DZIP1L: variants seen among roughly 807,000 people sequenced by gnomAD.
DZIP1L encodes DAZ interacting zinc finger protein 1 like, also known as cilium assembly protein DZIP1L.
Under a neutral mutation model 88.7 loss-of-function variants are expected in DZIP1L, and 90 were observed. That is an observed-to-expected ratio of 1.02 (90% CI 0.86 to 1.21). The LOEUF (loss-of-function observed/expected upper bound fraction) is 1.21, where lower values mean the gene tolerates loss of function less well. Ranked by LOEUF, DZIP1L falls within the 50% of genes most tolerant of loss-of-function variation. DZIP1L has a pLI of 0.00. For synonymous variants in DZIP1L, 363 were observed against 372.1 expected, an observed-to-expected ratio of 0.98 and a Z score of 0.28; for missense variants, 932 against 955.8, an observed-to-expected ratio of 0.98 and a Z score of 0.33.
At chr3:138,095,468 C>T (rs1293226054) in intron 3 of DZIP1L, among the ~76,000 whole-genome samples, 1 of 151,924 alleles carries the variant, frequency 6.6e-6, no homozygotes, top group Non-Finnish European at 1.5e-5. Context: ...TCACTTTTTT[C>T]AATAATGTAA....
intron 2 of DZIP1L, chr3:138,101,803 A>G: frequency 8.5e-7 from 1 of 1,175,516 alleles, no homozygotes; most frequent in Non-Finnish European, 1.3e-6. Flanking sequence ...GACATTCATC[A>G]GCTCCTGATA....
At chr3:138,069,333 G>A (rs773466216) in intron 12 of DZIP1L, among the ~76,000 whole-genome samples, 15 of 152,178 alleles carry the variant, frequency 9.9e-5, no homozygotes, top group Non-Finnish European at 2.1e-4. Flanking sequence ...CATACAAAAT[G>A]TGTGTTAATA....
rs200273535 is a variant in DZIP1L at position 138,103,538 on chromosome 3, C to T, written c.434G>A (p.Arg145Gln). ...CAGGGTGCTGATCATCTTGCGACGC[C>T]GGCGGCTCTCCTCCCGCACACCCTT... ...ELKGVREESRRRRKMISTLQQ... is the reference protein window; with the variant it reads ...ELKGVREESRQRRKMISTLQQ... Residue 145 changes from arginine (R) to glutamine (Q), a missense_variant, in exon 2 of 16, where the codon CGG becomes CAG. Arg to Gln is a conservative substitution (Grantham distance 43, BLOSUM62 1). Coordinates refer to ENST00000327532, the MANE Select transcript of DZIP1L (RefSeq NM_173543.3). The T allele has an allele frequency of 5.2e-5, 84 of 1,610,762 alleles. 1 individual carries two copies. The East Asian group carries it at 1.6e-3, about 30-fold the overall frequency.
intron 12 of DZIP1L, among the ~76,000 whole-genome samples, chr3:138,070,474 AT>A (rs112498829): frequency 6.6e-6 from 1 of 152,110 alleles, no homozygotes; most frequent in African/African-American, 2.4e-5. Flanking sequence ...TCATCAATAC[AT>A]TTTTTTACCA....
At chr3:138,087,847 G>T (rs1343107595) in intron 6 of DZIP1L, among the ~76,000 whole-genome samples, 8 of 152,118 alleles carry the variant, frequency 5.3e-5, no homozygotes, top group African/African-American at 1.9e-4. Context: ...TTCATCCAGG[G>T]GTGGCCAGAG....
At chr3:138,087,197 T>C (rs892658945) in intron 6 of DZIP1L, among the ~76,000 whole-genome samples, 174 bp from the exon 7 acceptor site, 15 of 151,916 alleles carry the variant, frequency 9.9e-5, no homozygotes, top group African/African-American at 3.6e-4. Context: ...GAGAGGGAGA[T>C]GGATTATTGA....
rs142662020 is a variant in DZIP1L, at chr3:138,067,696, G to C, written c.1837C>G (p.Pro613Ala). ...GAGTCCTCTTCAGAACTGAACGGGG[G>C]CGTGCTGCCACGAGGAGGAGAAGAA... ...PPSSGPGMSTPPFSSEEDSEG... is the reference protein window; with the variant it reads ...PPSSGPGMSTAPFSSEEDSEG... Residue 613 changes from proline (P) to alanine (A), a missense_variant, in exon 14 of 16, where the codon CCC becomes GCC. Transcript: ENST00000327532. The C allele has an allele frequency of 4.5e-6, 7 of 1,553,962 alleles. No homozygotes were observed. In the South Asian group the frequency reaches 8.5e-5, roughly 19 times the overall value.
intron 1 of DZIP1L, among the ~76,000 whole-genome samples, chr3:138,111,619 A>T (rs915311603): frequency 1.3e-5 from 2 of 152,188 alleles, no homozygotes; most frequent in South Asian, 4.1e-4. Context: ...TGAGGTTTTA[A>T]TGTACCTCAA....
intron 1 of DZIP1L, among the ~76,000 whole-genome samples, chr3:138,110,024 G>A (rs1442368811): frequency 2.6e-5 from 4 of 152,144 alleles, no homozygotes; most frequent in African/African-American, 4.8e-5. Flanking sequence ...CACCATGCAT[G>A]TATACCTATG....
At chr3:138,064,424 T>C (rs1369421573) in intron 15 of DZIP1L, 4 of 1,517,686 alleles carry the variant, frequency 2.6e-6, no homozygotes, top group Non-Finnish European at 3.5e-6. Context: ...ACCAAAAGGC[T>C]TTTTAATGTT....
chr3:138,065,802 C>T (rs918626703), intron 14 of DZIP1L, among the ~76,000 whole-genome samples: 2 of 152,212 alleles, frequency 1.3e-5, no homozygotes, highest in African/African-American at 4.8e-5. Flanking sequence ...TTTAACACAG[C>T]CTTGGCTAGA....
At chr3:138,076,866 C>A (rs1028643062) in intron 11 of DZIP1L, among the ~76,000 whole-genome samples, 1 of 152,080 alleles carries the variant, frequency 6.6e-6, no homozygotes, top group African/African-American at 2.4e-5. Context: ...AGAACTTATT[C>A]ATGTAACCAA....
At chr3:138,076,806 G>A (rs902816249) in intron 11 of DZIP1L, among the ~76,000 whole-genome samples, 1 of 152,064 alleles carries the variant, frequency 6.6e-6, no homozygotes, top group East Asian at 1.9e-4. Context: ...TGGGTACAGT[G>A]TATACTGTTC....
Position 138,090,978 on chromosome 3 carries a change from G to T in DZIP1L, c.870+1405C>A, listed in dbSNP as rs141031288. On this transcript the variant is annotated intron_variant, in intron 5 of 15. Transcript: ENST00000327532. ...AGTTCACTGCAACCTCCACCTCCTG[G>T]GTTCAAGTGATTCTCCTACCTCAGC... Among the ~76,000 whole-genome samples the T allele has an allele frequency of 3.5e-3, 536 of 151,448 alleles. 27 individuals are homozygous for T. In the East Asian group the frequency reaches 0.095, roughly 27 times the overall value.
At chr3:138,070,605 CAT>C (rs1344000109) in intron 12 of DZIP1L, among the ~76,000 whole-genome samples, 4 of 152,166 alleles carry the variant, frequency 2.6e-5, no homozygotes, top group African/African-American at 7.2e-5. Context: ...TTCTAATTCA[CAT>C]GAGGAAAAAT....
At chr3:138,074,336 A>G (rs1043602109) in intron 11 of DZIP1L, among the ~76,000 whole-genome samples, 1 of 152,216 alleles carries the variant, frequency 6.6e-6, no homozygotes, top group Non-Finnish European at 1.5e-5. Context: ...ATAAAGGAAC[A>G]CCTCTCAGAT....
rs1262341721 is a variant in DZIP1L at position 138,102,431 on chromosome 3, C to CCTTCAG, written c.501+1034_501+1039dup. 4.2e-6 allele frequency: 6 copies of CCTTCAG among 1,431,200 alleles called. No homozygotes were observed. In the East Asian group the frequency reaches 1.1e-4, roughly 27 times the overall value. The allele number at this position is 1,431,200 out of a possible 1,614,324, so 88.7% of individuals were successfully genotyped here. A position where few individuals can be genotyped will look rare whatever the true frequency, so the allele number is the denominator to read the frequency against. On this transcript the variant is annotated intron_variant, in intron 2 of 15. Transcript: ENST00000327532. ...AGCCCCTGCATGTTGCCAAGCTCTG[C>CCTTCAG]CTTCAGCTTCAGCTTCTCCTGGCCC...
At chr3:138,096,847 T>C (rs1944496280) in intron 3 of DZIP1L, among the ~76,000 whole-genome samples, 1 of 152,220 alleles carries the variant, frequency 6.6e-6, no homozygotes, top group Non-Finnish European at 1.5e-5. Context: ...TTTACATCTA[T>C]ATTTTGTGTT....
At chr3:138,064,910 A>G in intron 14 of DZIP1L, 143 bp from the exon 15 acceptor site, 4 of 1,250,862 alleles carry the variant, frequency 3.2e-6, no homozygotes, top group Non-Finnish European at 4.4e-6. Flanking sequence ...AACCACAAAA[A>G]AGGAGACAGA....
Sources: gnomAD v4.1 joint callset for allele counts (sites outside exome capture counted in the v4.1 genomes callset) on GRCh38, gnomAD v4.1.1 for gene constraint, MANE v1.5 for transcripts, NCBI Gene and HGNC (gene_info 2026-07-23, HGNC 2026-07-21) for gene names.